GRIP1: variants seen among roughly 807,000 people sequenced by gnomAD.
GRIP1 encodes the protein glutamate receptor interacting protein 1.
GRIP1 carries 45 observed loss-of-function variants against 129.9 expected under a neutral mutation model. The observed-to-expected ratio is 0.35, with a 90% confidence interval of 0.27 to 0.44. The LOEUF (loss-of-function observed/expected upper bound fraction) is 0.44, where lower values mean the gene tolerates loss of function less well. Among genes scored for constraint, GRIP1 ranks in the 20% least tolerant of loss-of-function variants. The probability of loss-of-function intolerance (pLI) is 1.00; values close to 1 mark genes in which losing one functional copy is unlikely to be tolerated. For missense variants in GRIP1, 1,196 were observed against 1,396.8 expected, an observed-to-expected ratio of 0.86 and a Z score of 2.29; for synonymous variants, 530 against 520.8, an observed-to-expected ratio of 1.02 and a Z score of -0.24.
intron 24 of GRIP1, among the ~76,000 whole-genome samples, chr12:66,352,456 C>T (rs934819845): frequency 3.3e-5 from 5 of 151,976 alleles, no homozygotes; most frequent in African/African-American, 4.8e-5. Flanking sequence ...GAAGAGGTTG[C>T]GCACAGTGGC....
chr12:67,015,601 G>A (rs1176423251), intron 1 of GRIP1, among the ~76,000 whole-genome samples: 2 of 152,172 alleles, frequency 1.3e-5, no homozygotes, highest in Non-Finnish European at 2.9e-5. Flanking sequence ...AGAGAGTGAG[G>A]AGGGAGGGAA....
chr12:67,008,823 C>T lies in GRIP1; in HGVS notation c.58+60227G>A, dbSNP rs1440859401. Among the ~76,000 whole-genome samples the T allele has an allele frequency of 3.3e-5, 5 of 152,116 alleles. No homozygotes were observed. The East Asian group carries it at 9.6e-4, about 29-fold the overall frequency. On this transcript the variant is annotated intron_variant, in intron 1 of 1. Transcript: ENST00000643019. The stretch of plus-strand genomic sequence containing the variant: ...AGAAGAATCTACAAATGTAGATTGT[C>T]CTTAGTAATAATTTTTTTAAAAATC...
At chr12:66,654,893 T>C (rs1033604770) in intron 1 of GRIP1, among the ~76,000 whole-genome samples, 5 of 152,128 alleles carry the variant, frequency 3.3e-5, no homozygotes, top group Non-Finnish European at 7.4e-5. Flanking sequence ...ACTAAAGCAA[T>C]GGTGAAAATT....
chr12:66,862,935 A>C (rs2040138034), intron 1 of GRIP1, among the ~76,000 whole-genome samples: 1 of 152,116 alleles, frequency 6.6e-6, no homozygotes, highest in African/African-American at 2.4e-5. Context: ...TGATATAATG[A>C]TGAAACTTAA....
At chr12:66,425,927 C>G (rs2057971438) in intron 14 of GRIP1, among the ~76,000 whole-genome samples, 1 of 152,094 alleles carries the variant, frequency 6.6e-6, no homozygotes, top group African/African-American at 2.4e-5. Context: ...ACATATGTAA[C>G]AAACCTGCAC....
intron 7 of GRIP1, among the ~76,000 whole-genome samples, chr12:66,502,264 T>C (rs1314927651): frequency 1.3e-5 from 2 of 152,116 alleles, no homozygotes; most frequent in African/African-American, 4.8e-5. Context: ...ACAATGGATA[T>C]TACCTAAAAT....
intron 1 of GRIP1, among the ~76,000 whole-genome samples, chr12:66,734,619 C>CAAGATATTTT (rs1263269218): frequency 2.0e-5 from 3 of 151,882 alleles, no homozygotes; most frequent in Non-Finnish European, 4.4e-5. Context: ...TTGTGAGGAA[C>CAAGATATTTT]AAGATATTTT....
At chr12:66,936,798 G>A (rs185177052) in intron 1 of GRIP1, among the ~76,000 whole-genome samples, 1 of 152,164 alleles carries the variant, frequency 6.6e-6, no homozygotes. Flanking sequence ...ATGCCACCAG[G>A]GTAACCACAA....
At chr12:66,382,825 G>C (rs1482872799) in intron 19 of GRIP1, among the ~76,000 whole-genome samples, 2 of 152,224 alleles carry the variant, frequency 1.3e-5, no homozygotes, top group Non-Finnish European at 2.9e-5. Context: ...AAGAGGCATA[G>C]AAAGTGAGTT....
intron 15 of GRIP1, among the ~76,000 whole-genome samples, chr12:66,408,075 A>G (rs2057260650): frequency 6.6e-6 from 1 of 152,196 alleles, no homozygotes; most frequent in Non-Finnish European, 1.5e-5. Context: ...CCCCGGGATA[A>G]CATTTCTAGA....
At chr12:66,749,735 C>T (rs1304112603) in intron 1 of GRIP1, among the ~76,000 whole-genome samples, 1 of 152,062 alleles carries the variant, frequency 6.6e-6, no homozygotes, top group Non-Finnish European at 1.5e-5. Flanking sequence ...ACTGCCACCA[C>T]CAACCCTTTT....
At chr12:66,551,549 G>C (rs1271272809) in intron 2 of GRIP1, among the ~76,000 whole-genome samples, 1 of 150,508 alleles carries the variant, frequency 6.6e-6, no homozygotes, top group Admixed American at 6.6e-5. Context: ...ATGTATTTTT[G>C]GGTGTCCTTT....
intron 1 of GRIP1, among the ~76,000 whole-genome samples, chr12:66,783,258 T>A (rs1222417204): frequency 6.6e-6 from 1 of 152,234 alleles, no homozygotes; most frequent in Non-Finnish European, 1.5e-5. Flanking sequence ...GGTCTTGAAC[T>A]CCTGGCCTCA....
At chr12:66,577,236 A>G (rs1389891343) in intron 2 of GRIP1, among the ~76,000 whole-genome samples, 1 of 152,230 alleles carries the variant, frequency 6.6e-6, no homozygotes, top group East Asian at 1.9e-4. Context: ...GAAAGATTAG[A>G]AGAGCCAGTG....
chr12:67,005,699 G>A (rs768939901), intron 1 of GRIP1, among the ~76,000 whole-genome samples: 4 of 152,206 alleles, frequency 2.6e-5, no homozygotes, highest in South Asian at 2.1e-4. Flanking sequence ...ATTCTCACTC[G>A]TGGAAGAAGA....
At chr12:67,012,505 T>G (rs919927349) in intron 1 of GRIP1, among the ~76,000 whole-genome samples, 1 of 152,156 alleles carries the variant, frequency 6.6e-6, no homozygotes, top group African/African-American at 2.4e-5. Flanking sequence ...AAGCCATCAC[T>G]TAGGACCTGC....
At chr12:66,463,163 A>G (rs1238267546) in intron 8 of GRIP1, 70 bp from the exon 9 acceptor site, 2 of 1,268,308 alleles carry the variant, frequency 1.6e-6, no homozygotes, top group East Asian at 2.3e-5. Flanking sequence ...CATGTCCTTC[A>G]TAGTTAAAAT....
chr12:66,989,684 A>G (rs1420431216), intron 1 of GRIP1, among the ~76,000 whole-genome samples: 2 of 152,222 alleles, frequency 1.3e-5, no homozygotes, highest in African/African-American at 4.8e-5. Context: ...TTAAGCTTCA[A>G]ATTGGCTTCG....
At chr12:66,690,562 T>G (rs538506022) in intron 1 of GRIP1, among the ~76,000 whole-genome samples, 4 of 151,746 alleles carry the variant, frequency 2.6e-5, no homozygotes, top group Non-Finnish European at 5.9e-5. Context: ...CTGGATTGTT[T>G]AGTACTATTT....
Sources: gnomAD v4.1 joint callset for allele counts (sites outside exome capture counted in the v4.1 genomes callset) on GRCh38, gnomAD v4.1.1 for gene constraint, MANE v1.5 for transcripts, NCBI Gene and HGNC (gene_info 2026-07-23, HGNC 2026-07-21) for gene names.